Variants in KEAP1 observed in about 807,000 individuals in gnomAD.
KEAP1 encodes kelch like ECH associated protein 1.
KEAP1 carries 26 observed loss-of-function variants against 59.7 expected under a neutral mutation model. That is an observed-to-expected ratio of 0.44 (90% CI 0.32 to 0.60). The LOEUF is 0.60. Among genes scored for constraint, KEAP1 ranks in the 20% least tolerant of loss-of-function variants. The pLI, the probability that KEAP1 is intolerant of heterozygous loss-of-function variation, is 0.06. For missense variants in KEAP1, 539 were observed against 871.4 expected (o/e 0.62, Z 4.80); for synonymous variants, 350 against 358.3 (o/e 0.98, Z 0.26).
In KEAP1 at chr19:10,499,694, C is replaced by T. The variant is rs1914971721; in HGVS notation, c.340G>A (p.Gly114Arg). 6.2e-7 allele frequency: 1 copy of T among 1,614,156 alleles called. No homozygotes were observed. Among genetic ancestry groups the T allele is most frequent in the Non-Finnish European group, 8.5e-7 (1 of 1,180,042 alleles). The change falls in exon 2 of 6, where the codon GGG becomes AGG. Residue 114 changes from glycine (G) to arginine (R), a missense_variant. Gly to Arg is a moderately radical substitution (Grantham distance 125). Coordinates refer to ENST00000171111, the MANE Select transcript of KEAP1 (RefSeq NM_203500.2). This position sits in a 1 kb window ranked among gnomAD's most constrained non-coding sequence, Gnocchi z 6.7. ...ACCTCCATGCCCTGCTCCCGCAGCC[C>T]GTTGGTGAACATGGCCTTGAAGACA... The part of the protein sequence containing the change: ...SPVFKAMFTN[G>R]LREQGMEVVS...
chr19:10,489,220 A>G lies in KEAP1; in HGVS notation c.1680T>C (p.Thr560=), dbSNP rs368571041. 23 of 1,611,902 alleles carry G rather than the reference A, an allele frequency of 1.4e-5. No homozygotes were observed. The highest frequency in any genetic ancestry group is 1.9e-5 in the Non-Finnish European group (22 of 1,179,886). ...GGACGTAGATTCTCCCCTGGTGGACAGTGATCCCCAGGGCACTTCGCCGGT... is the reference window on the plus strand; with the variant it reads ...GGACGTAGATTCTCCCCTGGTGGACGGTGATCCCCAGGGCACTTCGCCGGT... ...MKHRRSALGI[T]VHQGRIYVLG... is the part of the protein sequence containing the mutation. Residue 560 remains threonine, a synonymous_variant, in exon 5 of 6, where the codon ACT becomes ACC. Coordinates refer to ENST00000171111, the MANE Select transcript of KEAP1 (RefSeq NM_203500.2).
chr19:10,500,565 G>T (rs533411731), intron 1 of KEAP1, among the ~76,000 whole-genome samples: 1 of 152,062 alleles, frequency 6.6e-6, no homozygotes, highest in South Asian at 2.1e-4. Flanking sequence ...TGCCAGAGCT[G>T]ACAACTGCAG....
At chr19:10,493,428 C>T (rs1405463389) in intron 2 of KEAP1, among the ~76,000 whole-genome samples, 1 of 151,902 alleles carries the variant, frequency 6.6e-6, no homozygotes, top group East Asian at 1.9e-4. Context: ...TCCCAAAGTG[C>T]TGGGATTACA....
At chr19:10,488,627 C>CAAAACAAAACAA (rs1197716847) in intron 5 of KEAP1, among the ~76,000 whole-genome samples, 1 of 137,140 alleles carries the variant, frequency 7.3e-6, no homozygotes, top group Non-Finnish European at 1.6e-5. Context: ...CAAAACAAAA[C>CAAAACAAAACAA]AAAACAAAAC....
At chr19:10,494,231 C>T (rs1914773866) in intron 2 of KEAP1, among the ~76,000 whole-genome samples, 1 of 151,734 alleles carries the variant, frequency 6.6e-6, no homozygotes, top group Non-Finnish European at 1.5e-5. Flanking sequence ...CATGAGCCAC[C>T]GTGTCCGGCC....
In KEAP1 at chr19:10,489,184, G is replaced by A. The variant is rs778482067; in HGVS notation, c.1708+8C>T. 16 of 1,609,796 alleles carry A rather than the reference G, an allele frequency of 9.9e-6. No homozygotes were observed. The Admixed American group carries it at 2.7e-4, about 27-fold the overall frequency. On this transcript the variant is annotated splice_region_variant and intron_variant, in intron 5 of 5. Coordinates refer to ENST00000171111, the MANE Select transcript of KEAP1 (RefSeq NM_203500.2). ...AGTCAGGACTCTTCCCCGCCCCCAG[G>A]GCCTCACCAAGGACGTAGATTCTCC...
chr19:10,487,036 TAAAAA>T (rs35072591), intron 5 of KEAP1, among the ~76,000 whole-genome samples: 1 of 92,018 alleles, frequency 1.1e-5, no homozygotes, highest in African/African-American at 4.4e-5. Context: ...AGTCTCTTAC[TAAAAA>T]AAAAAAAAAA....
At chr19:10,494,304 G>A (rs1914775829) in intron 2 of KEAP1, among the ~76,000 whole-genome samples, 1 of 149,208 alleles carries the variant, frequency 6.7e-6, no homozygotes, top group Admixed American at 6.7e-5. Context: ...GATTACAGGT[G>A]TGCATCACCA....
In KEAP1 at chr19:10,489,640, C is replaced by T. The variant is rs750289714; in HGVS notation, c.1531+8G>A. ...CTGGGTGCTCCCCTCCCTACCGTCC[C>T]CACCCACCTGCCCCGCTTCGGATGG... On this transcript the variant is annotated splice_region_variant and intron_variant, in intron 4 of 5. Transcript: ENST00000171111. 2 of 1,613,538 alleles carry T rather than the reference C, an allele frequency of 1.2e-6. No individual in the cohort carries two copies. The highest frequency in any genetic ancestry group is 1.7e-6 in the Non-Finnish European group (2 of 1,179,934).
intron 2 of KEAP1, among the ~76,000 whole-genome samples, chr19:10,494,657 C>G (rs1429489427): frequency 9.0e-6 from 1 of 110,980 alleles, no homozygotes; most frequent in East Asian, 2.7e-4. Flanking sequence ...CTGTTTGTTT[C>G]TTTTTTTTTT....
At chr19:10,496,569 A>T (rs543646334) in intron 2 of KEAP1, among the ~76,000 whole-genome samples, 1 of 151,548 alleles carries the variant, frequency 6.6e-6, no homozygotes, top group East Asian at 1.9e-4. Flanking sequence ...TGGGAGGCTG[A>T]GGTGGGCGGA....
At position 10,491,911 on chromosome 19, in the gene KEAP1, C is replaced by T. The variant is rs1197443517; in HGVS notation, c.991G>A (p.Ala331Thr). ...AGCGACTGTCGGAAGTAGCCGCCCG[C>T]GGTGTAGATCAGGCGGCCCACCTTG... ...APKVGRLIYT[A>T]GGYFRQSLSY... Residue 331 changes from alanine to threonine, a missense_variant, in exon 3 of 6, where the codon GCG becomes ACG. By Grantham distance (58) the Ala-to-Thr change is moderately conservative. Transcript: ENST00000171111. The surrounding 1 kb of genome is among the most constrained non-coding windows in gnomAD (Gnocchi z 5.2). 2 of 1,613,360 alleles carry T rather than the reference C, an allele frequency of 1.2e-6. No homozygotes were observed. The highest frequency in any genetic ancestry group is 1.3e-5 in the African/African-American group (1 of 74,904).
intron 2 of KEAP1, 69 bp from the exon 3 acceptor site, chr19:10,492,331 A>G: frequency 8.3e-7 from 1 of 1,202,434 alleles, no homozygotes; most frequent in Non-Finnish European, 1.2e-6. Flanking sequence ...CAGGACCGGG[A>G]CAAGTAACTT....
At position 10,491,530 on chromosome 19, in the gene KEAP1, G is replaced by C. The variant is rs781747123; in HGVS notation, c.1325+47C>G. Reference sequence around the variant, plus strand: ...CCCGGATCTCAGTGTCTTGGGACTTGCCAGGAGCAGGACCCTCCGAGCCCA... The same window carrying C: ...CCCGGATCTCAGTGTCTTGGGACTTCCCAGGAGCAGGACCCTCCGAGCCCA... On this transcript the variant is annotated intron_variant, in intron 3 of 5. Transcript: ENST00000171111. This position sits in a 1 kb window ranked among gnomAD's most constrained non-coding sequence, Gnocchi z 5.2. 1.4e-6 allele frequency: 2 copies of C among 1,438,998 alleles called. No homozygotes were observed. Among genetic ancestry groups the C allele is most frequent in the Admixed American group, 2.5e-5 (1 of 39,658 alleles). 89.1% of individuals were successfully genotyped at this position (1,438,998 alleles called of 1,614,324 possible).
intron 2 of KEAP1, among the ~76,000 whole-genome samples, chr19:10,498,855 A>G (rs1352529321): frequency 6.9e-6 from 1 of 144,328 alleles, no homozygotes; most frequent in African/African-American, 2.6e-5. Flanking sequence ...TTTTTTTTTG[A>G]AACTGAGTCT....
chr19:10,491,135 C>T lies in KEAP1; in HGVS notation c.1325+442G>A, dbSNP rs569979698. The T allele has an allele frequency of 6.3e-6, 1 of 158,156 alleles. No individual in the cohort carries two copies. The highest frequency in any genetic ancestry group is 2.0e-4 in the South Asian group (1 of 4,894). 9.8% of individuals were successfully genotyped at this position (158,156 alleles called of 1,614,324 possible). On this transcript the variant is annotated intron_variant, in intron 3 of 5. Coordinates refer to ENST00000171111, the MANE Select transcript of KEAP1 (RefSeq NM_203500.2). This position sits in a 1 kb window ranked among gnomAD's most constrained non-coding sequence, Gnocchi z 5.2. ...CCCAGGGTCTGAGGCAGGAGAATCACTTGAACCTGGGAGGCGAGGTTGCAG... is the reference window on the plus strand; with the variant it reads ...CCCAGGGTCTGAGGCAGGAGAATCATTTGAACCTGGGAGGCGAGGTTGCAG...
rs146147582 is a variant in KEAP1 at position 10,499,265 on chromosome 19, C to T, written c.639+130G>A. ...CCCTCAAACTGTGGAGACTACACCA[C>T]CATACCCAGCCCAGAACCTCCTTTT... On this transcript the variant is annotated intron_variant, in intron 2 of 5. Coordinates refer to ENST00000171111, the MANE Select transcript of KEAP1 (RefSeq NM_203500.2). The surrounding 1 kb of genome is among the most constrained non-coding windows in gnomAD (Gnocchi z 6.7). 2,490 of 873,366 alleles carry T rather than the reference C, an allele frequency of 2.9e-3. 41 individuals carry two copies. In the African/African-American group the frequency reaches 0.039, roughly 14 times the overall value. The allele number at this position is 873,366 out of a possible 1,614,324, so 54.1% of individuals were successfully genotyped here. A position where few individuals can be genotyped will look rare whatever the true frequency, so the allele number is the denominator to read the frequency against.
chr19:10,494,238 G>A lies in KEAP1; in HGVS notation c.640-1976C>T, dbSNP rs896865965. ...ATTACAGGCATGAGCCACCGTGTCC[G>A]GCCGTTGGTCTTAAACTCTTGAGCT... On this transcript the variant is annotated intron_variant, in intron 2 of 5. Coordinates refer to ENST00000171111, the MANE Select transcript of KEAP1 (RefSeq NM_203500.2). Among the ~76,000 whole-genome samples, 7 of 151,706 alleles carry A rather than the reference G, an allele frequency of 4.6e-5. No individual in the cohort carries two copies. The East Asian group carries it at 5.8e-4, about 13-fold the overall frequency.
chr19:10,493,305 C>T (rs1268820072), intron 2 of KEAP1, among the ~76,000 whole-genome samples: 2 of 151,654 alleles, frequency 1.3e-5, no homozygotes, highest in Non-Finnish European at 2.9e-5. Context: ...ACTACAGGCG[C>T]CCGCGACCAC....
Sources: gnomAD v4.1 joint callset for allele counts (sites outside exome capture counted in the v4.1 genomes callset) on GRCh38, gnomAD v4.1.1 for gene constraint, Gnocchi (gnomAD v3.1) non-coding constraint, MANE v1.5 for transcripts, NCBI Gene and HGNC (gene_info 2026-07-23, HGNC 2026-07-21) for gene names.